Variants in SAMD4A observed in about 807,000 individuals in gnomAD.
The protein encoded by SAMD4A is protein Smaug homolog 1.
SAMD4A carries 33 observed loss-of-function variants against 81.3 expected under a neutral mutation model. The observed-to-expected ratio is 0.41, with a 90% CI of 0.31 to 0.54. The LOEUF (loss-of-function observed/expected upper bound fraction) is 0.54. Among genes scored for constraint, SAMD4A ranks in the 20% least tolerant of loss-of-function variants. The pLI is 0.37. For missense variants in SAMD4A, 854 were observed against 951.1 expected (o/e 0.90, Z 1.34); for synonymous variants, 389 against 382.1 (o/e 1.02, Z -0.21).
intron 2 of SAMD4A, among the ~76,000 whole-genome samples, chr14:54,568,692 T>C (rs1374236744): frequency 0.017 from 5 of 290 alleles, no homozygotes; most frequent in East Asian, 0.045. Context: ...ATTTGCAGCA[T>C]ATATATATAT....
At chr14:54,595,361 C>T (rs1199293311) in intron 2 of SAMD4A, among the ~76,000 whole-genome samples, 1 of 150,852 alleles carries the variant, frequency 6.6e-6, no homozygotes, top group Non-Finnish European at 1.5e-5. Context: ...TTCATAGCGG[C>T]AGAGTCAAAA....
intron 2 of SAMD4A, among the ~76,000 whole-genome samples, chr14:54,697,982 A>C (rs1957359): frequency 0.25 from 38,513 of 152,132 alleles, 5,694 homozygotes; most frequent in Admixed American, 0.35. Flanking sequence ...ACTCGGAGAC[A>C]GCAAGGGGAG....
chr14:54,675,349 A>G (rs1218602863), intron 2 of SAMD4A, among the ~76,000 whole-genome samples: 2 of 123,106 alleles, frequency 1.6e-5, no homozygotes, highest in Non-Finnish European at 3.4e-5. Context: ...CTGGGCAACA[A>G]GAGTGAAACT....
intron 3 of SAMD4A, 142 bp downstream of exon 3, chr14:54,702,722 C>T: frequency 2.1e-6 from 2 of 954,950 alleles, no homozygotes; most frequent in Admixed American, 4.7e-5. Context: ...GGGAAAGGTC[C>T]TTTGGACCCC....
intron 2 of SAMD4A, among the ~76,000 whole-genome samples, chr14:54,666,971 G>A (rs1157773059): frequency 6.6e-6 from 1 of 152,050 alleles, no homozygotes; most frequent in East Asian, 1.9e-4. Flanking sequence ...CTTCACTTGA[G>A]CAGAATGACA....
intron 2 of SAMD4A, among the ~76,000 whole-genome samples, chr14:54,696,416 A>G (rs1480557409): frequency 2.0e-5 from 3 of 152,216 alleles, no homozygotes; most frequent in Admixed American, 2.0e-4. Context: ...AAACCCACCA[A>G]TATTCCTGCC....
chr14:54,765,460 G>GA (rs11408246), intron 8 of SAMD4A, among the ~76,000 whole-genome samples: 47,477 of 119,162 alleles, frequency 0.4, 10,092 homozygotes, highest in African/African-American at 0.59. Context: ...CTGTCACTAC[G>GA]AAAAAAAAAA....
chr14:54,728,259 T>C (rs958157665), intron 3 of SAMD4A, among the ~76,000 whole-genome samples: 1 of 152,350 alleles, frequency 6.6e-6, no homozygotes, highest in Middle Eastern at 3.4e-3. Context: ...CAAATCGTTA[T>C]GTATAATTAC....
At chr14:54,615,799 ATTAC>A (rs1406070571) in intron 2 of SAMD4A, among the ~76,000 whole-genome samples, 1 of 152,184 alleles carries the variant, frequency 6.6e-6, no homozygotes, top group African/African-American at 2.4e-5. Flanking sequence ...GCATTAAAAT[ATTAC>A]TTAAAGTGAG....
At chr14:54,783,408 C>A (rs1224479361) in intron 11 of SAMD4A, among the ~76,000 whole-genome samples, 1 of 152,210 alleles carries the variant, frequency 6.6e-6, no homozygotes, top group Non-Finnish European at 1.5e-5. Context: ...AGGGCTCCAG[C>A]AGGTGAGAGG....
intron 7 of SAMD4A, among the ~76,000 whole-genome samples, chr14:54,762,858 C>CTTT (rs35747854): frequency 7.0e-6 from 1 of 142,308 alleles, no homozygotes; most frequent in Non-Finnish European, 1.5e-5. Context: ...TGAATATTCA[C>CTTT]TTTTTTTTTT....
chr14:54,688,518 C>A (rs913058564), intron 2 of SAMD4A, among the ~76,000 whole-genome samples: 5 of 152,214 alleles, frequency 3.3e-5, no homozygotes, highest in Non-Finnish European at 7.3e-5. Context: ...TGGCACTCTT[C>A]AAACCCAAAC....
intron 3 of SAMD4A, among the ~76,000 whole-genome samples, chr14:54,718,857 A>G (rs901056827): frequency 6.6e-6 from 1 of 152,072 alleles, no homozygotes; most frequent in Non-Finnish European, 1.5e-5. Flanking sequence ...TACAAAAATC[A>G]GCTGGGCGTG....
chr14:54,575,226 C>T (rs975902304), intron 2 of SAMD4A, among the ~76,000 whole-genome samples: 62 of 152,062 alleles, frequency 4.1e-4, no homozygotes, highest in African/African-American at 1.5e-3. Context: ...AGACATTGGT[C>T]GACAAAGCTA....
intron 2 of SAMD4A, among the ~76,000 whole-genome samples, chr14:54,579,693 C>T (rs1424858894): frequency 6.6e-6 from 1 of 152,182 alleles, no homozygotes; most frequent in Non-Finnish European, 1.5e-5. Flanking sequence ...TTGATTTAAA[C>T]ATCTCTCTTC....
intron 2 of SAMD4A, among the ~76,000 whole-genome samples, chr14:54,590,640 G>A (rs144358306): frequency 2.6e-4 from 39 of 152,238 alleles, no homozygotes; most frequent in Non-Finnish European, 5.1e-4. Context: ...GCTGGTGGTA[G>A]TCTCTCTGTC....
rs117837056 is a variant in SAMD4A at position 54,642,164 on chromosome 14, A to C, written c.197-59898A>C. ...TTCTAAGTCTCTCACTAAGATGCTT[A>C]TGTCTAGTCATGTATCAGCATGATG... On this transcript the variant is annotated intron_variant, in intron 2 of 12. Transcript: ENST00000554335. Among the ~76,000 whole-genome samples the C allele has an allele frequency of 1.8e-4, 27 of 152,298 alleles. No individual in the cohort carries two copies. In the East Asian group the frequency reaches 5.0e-3, roughly 28 times the overall value.
intron 2 of SAMD4A, among the ~76,000 whole-genome samples, chr14:54,609,804 G>A (rs1044054215): frequency 6.6e-6 from 1 of 152,280 alleles, no homozygotes; most frequent in Middle Eastern, 3.4e-3. Flanking sequence ...GCAAAAGTTA[G>A]CAATCTTGTT....
At chr14:54,690,823 G>C (rs1358565145) in intron 2 of SAMD4A, among the ~76,000 whole-genome samples, 1 of 152,200 alleles carries the variant, frequency 6.6e-6, no homozygotes, top group Non-Finnish European at 1.5e-5. Context: ...AACCATTGTG[G>C]CTAGAAGTTA....
Sources: gnomAD v4.1 joint callset for allele counts (sites outside exome capture counted in the v4.1 genomes callset) on GRCh38, gnomAD v4.1.1 for gene constraint, MANE v1.5 for transcripts, NCBI Gene and HGNC (gene_info 2026-07-23, HGNC 2026-07-21) for gene names.